The following HECW2 variants were observed in gnomAD, a reference collection of about 807,000 sequenced individuals.
HECW2 encodes E3 ubiquitin-protein ligase HECW2.
In HECW2, 61 loss-of-function variants were observed where a neutral mutation model predicts 175.2. That is an observed-to-expected ratio of 0.35 (90% CI 0.28 to 0.43). The LOEUF is 0.43. Ranked by LOEUF, HECW2 falls within the 20% of genes least tolerant of loss-of-function variation. The probability of loss-of-function intolerance (pLI) is 1.00; values close to 1 mark genes in which losing one functional copy is unlikely to be tolerated. For synonymous variants in HECW2, 671 were observed against 731.0 expected (o/e 0.92, Z 1.32); for missense variants, 1,524 against 2,000.5 (o/e 0.76, Z 4.54).
chr2:196,523,411 C>T (rs373043126), intron 1 of HECW2, among the ~76,000 whole-genome samples: 2,342 of 150,218 alleles, frequency 0.016, 35 homozygotes, highest in Middle Eastern at 0.028. Context: ...TACAATCATG[C>T]CGTCTGCAAA....
chr2:196,390,665 GT>G (rs148956790), intron 2 of HECW2, among the ~76,000 whole-genome samples: 2,347 of 152,262 alleles, frequency 0.015, 68 homozygotes, highest in East Asian at 0.13. Flanking sequence ...TAACCTTGTT[GT>G]TTTTTATTAA....
intron 2 of HECW2, among the ~76,000 whole-genome samples, chr2:196,363,553 A>G (rs1693660223): frequency 6.6e-6 from 1 of 152,250 alleles, no homozygotes; most frequent in Non-Finnish European, 1.5e-5. Flanking sequence ...AATCTAGGCC[A>G]GGAACCATGG....
At chr2:196,329,785 C>T (rs964974999) in intron 4 of HECW2, 135 bp from the exon 5 acceptor site, 3 of 618,534 alleles carry the variant, frequency 4.9e-6, no homozygotes, top group African/African-American at 1.8e-5. Context: ...CTTTCATTTC[C>T]CAATCTTGGA....
intron 2 of HECW2, among the ~76,000 whole-genome samples, chr2:196,412,340 T>G (rs1695136861): frequency 1.3e-5 from 2 of 152,206 alleles, no homozygotes; most frequent in Non-Finnish European, 2.9e-5. Context: ...GCAACAGTCA[T>G]ATTGAATTAA....
At chr2:196,581,603 G>A (rs955539031) in intron 1 of HECW2, among the ~76,000 whole-genome samples, 16 of 152,026 alleles carry the variant, frequency 1.1e-4, no homozygotes, top group East Asian at 5.8e-4. Flanking sequence ...TGAATTTTAC[G>A]GTATGTGAAT....
chr2:196,496,442 C>T (rs887418019), intron 1 of HECW2, among the ~76,000 whole-genome samples: 2 of 152,008 alleles, frequency 1.3e-5, no homozygotes, highest in Non-Finnish European at 2.9e-5. Flanking sequence ...TTTATACATG[C>T]ATGCATACAT....
intron 1 of HECW2, among the ~76,000 whole-genome samples, chr2:196,435,901 T>C (rs1169804993): frequency 6.6e-6 from 1 of 152,260 alleles, no homozygotes; most frequent in Non-Finnish European, 1.5e-5. Flanking sequence ...TAGTTATTAA[T>C]ACCATTATGT....
intron 2 of HECW2, among the ~76,000 whole-genome samples, chr2:196,388,925 T>C (rs1295146937): frequency 1.3e-5 from 2 of 152,328 alleles, no homozygotes; most frequent in East Asian, 3.9e-4. Context: ...GACTGGCATT[T>C]GGAAGCATGG....
Position 196,343,667 on chromosome 2 carries a change from A to G in HECW2, c.390T>C (p.Tyr130=), listed in dbSNP as rs1250365650. ...CACTTAGTTACTTACGTTCCATGAA[A>G]TAGGGCCCAGGCTCAATTCTCCATA... is the stretch of plus-strand genomic sequence containing the variant. The part of the protein sequence containing the change: ...QIVWRIEPGP[Y]FMEPEIKICF... The change falls in exon 3 of 29, where the codon TAT becomes TAC. Residue 130 remains tyrosine, a synonymous_variant. Transcript: ENST00000644978. The G allele has an allele frequency of 6.2e-7, 1 of 1,608,782 alleles. No individual in the cohort carries two copies. Among genetic ancestry groups the G allele is most frequent in the Middle Eastern group, 1.7e-4 (1 of 6,052 alleles).
chr2:196,481,507 G>C (rs768993859), intron 1 of HECW2, among the ~76,000 whole-genome samples: 9 of 152,188 alleles, frequency 5.9e-5, no homozygotes, highest in Non-Finnish European at 1.2e-4. Context: ...CATCTCCCTA[G>C]AGATCTCACA....
At chr2:196,535,671 C>G (rs1349785317) in intron 1 of HECW2, among the ~76,000 whole-genome samples, 4 of 152,070 alleles carry the variant, frequency 2.6e-5, no homozygotes, top group Non-Finnish European at 5.9e-5. Flanking sequence ...TCTGCCTTAC[C>G]CTCTCCTCAT....
chr2:196,222,451 A>T, intron 23 of HECW2, 111 bp from the exon 24 acceptor site: 3 of 934,452 alleles, frequency 3.2e-6, no homozygotes, highest in Non-Finnish European at 4.7e-6. Context: ...GCCACTACAT[A>T]GGCAGTGATT....
At chr2:196,524,625 T>C (rs1419732635) in intron 1 of HECW2, among the ~76,000 whole-genome samples, 6 of 103,696 alleles carry the variant, frequency 5.8e-5, no homozygotes, top group Non-Finnish European at 1.1e-4. Flanking sequence ...GTGCTATAAA[T>C]TTCCCTCTAC....
rs142324528 is a variant in HECW2, at chr2:196,278,579, C to T, written c.3084G>A (p.Ala1028=). The change falls in exon 15 of 29, where the codon GCG becomes GCA. Residue 1028 remains alanine (A), a synonymous_variant. Transcript: ENST00000644978. ...LPLQSSRPTS[A]LVHRQHLTRQ... Reference sequence around the variant, plus strand: ...TTGTCAGGTGTTGCCGATGAACCAGCGCACTTGTGGGTCTACTGCTCTGAA... The same window carrying T: ...TTGTCAGGTGTTGCCGATGAACCAGTGCACTTGTGGGTCTACTGCTCTGAA... 7.1e-4 allele frequency: 1,152 copies of T among 1,614,086 alleles called. No homozygotes were observed. The highest frequency in any genetic ancestry group is 9.2e-4 in the Non-Finnish European group (1,091 of 1,180,002).
chr2:196,433,334 G>C lies in HECW2; in HGVS notation c.90C>G (p.Ser30Arg), dbSNP rs150096627. 6.2e-7 allele frequency: 1 copy of C among 1,614,148 alleles called. No individual in the cohort carries two copies. Among genetic ancestry groups the C allele is most frequent in the South Asian group, 1.1e-5 (1 of 91,076 alleles). Residue 30 changes from serine to arginine, a missense_variant, in exon 2 of 29, where the codon AGC (serine) becomes AGG (arginine). Physicochemically the swap from Ser to Arg is moderately radical, Grantham distance 110 (BLOSUM62 -1). Transcript: ENST00000644978. ...CTGGCATGGAGCTCTGGGCGGCAAG[G>C]CTCTGGAGGTTCTCTGGGCTCAATG... ...RYTLSPENLQ[S>R]LAAQSSMPEN...
At position 196,278,548 on chromosome 2, in the gene HECW2, G is replaced by C; in HGVS notation, c.3115C>G (p.Arg1039Gly). ...LVHRQHLTRQ[R>G]SHSAGEVGED... ...CTCACCTCACCCGCACTGTGGCTGC[G>C]TTGCCTTGTCAGGTGTTGCCGATGA... Residue 1039 changes from arginine to glycine, a missense_variant, in exon 15 of 29, where the codon CGC (arginine) becomes GGC (glycine). Transcript: ENST00000644978. 2 of 1,614,062 alleles carry C rather than the reference G, an allele frequency of 1.2e-6. No individual in the cohort carries two copies. Among genetic ancestry groups the C allele is most frequent in the Non-Finnish European group, 1.7e-6 (2 of 1,179,990 alleles).
At chr2:196,311,599 C>A (rs1157032424) in intron 10 of HECW2, among the ~76,000 whole-genome samples, 1 of 152,112 alleles carries the variant, frequency 6.6e-6, no homozygotes, top group East Asian at 1.9e-4. Context: ...GAGTTTGAGA[C>A]CAGCCTGGCC....
intron 1 of HECW2, among the ~76,000 whole-genome samples, chr2:196,451,777 T>C (rs535153578): frequency 1.8e-4 from 28 of 152,282 alleles, no homozygotes; most frequent in African/African-American, 6.0e-4. Context: ...CACATACTTC[T>C]AATCCCAGCT....
chr2:196,279,179 G>T (rs1690092609), intron 14 of HECW2, among the ~76,000 whole-genome samples: 1 of 152,022 alleles, frequency 6.6e-6, no homozygotes, highest in African/African-American at 2.4e-5. Context: ...CTCCCGAGTA[G>T]CTGGGACTAC....
Sources: allele counts gnomAD v4.1 joint callset (sites outside exome capture counted in the v4.1 genomes callset), GRCh38; gene constraint gnomAD v4.1.1; transcripts MANE v1.5; gene names NCBI Gene and HGNC (gene_info 2026-07-23, HGNC 2026-07-21).